SOX6: variants seen among roughly 807,000 people sequenced by gnomAD.
SOX6 encodes transcription factor SOX-6.
A neutral mutation model predicts 97.8 loss-of-function variants in SOX6; 11 were observed. The ratio of observed to expected loss-of-function variants is 0.11; its 90% confidence interval spans 0.07 to 0.19. The LOEUF (loss-of-function observed/expected upper bound fraction) is 0.19, where lower values mean the gene tolerates loss of function less well. Ranked by LOEUF, SOX6 falls within the 10% of genes least tolerant of loss-of-function variation. The probability of loss-of-function intolerance (pLI) is 1.00; values close to 1 mark genes in which losing one functional copy is unlikely to be tolerated. For missense variants in SOX6, 810 were observed against 1,039.5 expected (o/e 0.78, Z 3.04); for synonymous variants, 360 against 371.4 (o/e 0.97, Z 0.35).
chr11:16,001,621 G>A (rs1854411062), intron 13 of SOX6, among the ~76,000 whole-genome samples: 1 of 152,130 alleles, frequency 6.6e-6, no homozygotes, highest in Non-Finnish European at 1.5e-5. Flanking sequence ...CTTTAAGGAT[G>A]CCACTTCCCT....
chr11:16,360,421 T>C (rs1287250292), upstream of SOX6, among the ~76,000 whole-genome samples: 1 of 152,196 alleles, frequency 6.6e-6, no homozygotes. Context: ...CACCATTGCA[T>C]TCCTATCACG....
At chr11:16,349,699 AGGAAGGAAGGAAGGAAGAAG>A (rs1205130093) in intron 1 of SOX6, among the ~76,000 whole-genome samples, 357 of 73,530 alleles carry the variant, frequency 4.9e-3, no homozygotes, top group Non-Finnish European at 7.5e-3. Flanking sequence ...GAAGGAAGGA[AGGAAGGAAGGAAGGAAGAAG>A]GAAGGAAGGA....
Position 16,132,417 on chromosome 11 carries a change from GAAAGAAAGAAAGAAAGAAAGAAAGAAA to G in SOX6, c.778-20521_778-20495del, listed in dbSNP as rs1564972466. 3.7e-3 allele frequency among the ~76,000 whole-genome samples: 353 copies of G among 95,948 alleles called. 25 individuals carry two copies. In the East Asian group the frequency reaches 0.056, roughly 15 times the overall value. 62.9% of individuals were successfully genotyped at this position (95,948 alleles called of 152,430 possible). On this transcript the variant is annotated intron_variant, in intron 6 of 15. Transcript: ENST00000683767. ...AAGAAAGAAAAAAGAAAGAAAGAAA[GAAAGAAAGAAAGAAAGAAAGAAAGAAA>G]AAAGAAAGAAAGAAAGAAAGAAAGA...
At chr11:16,437,269 TA>T (rs1565145601) in intron 1 of SOX6, among the ~76,000 whole-genome samples, 2 of 130,236 alleles carry the variant, frequency 1.5e-5, no homozygotes, top group African/African-American at 6.2e-5. Flanking sequence ...ACCCTGTCTC[TA>T]TTTTTTTTTT....
At chr11:16,158,562 T>C (rs1421656914) in intron 6 of SOX6, among the ~76,000 whole-genome samples, 1 of 152,026 alleles carries the variant, frequency 6.6e-6, no homozygotes, top group Non-Finnish European at 1.5e-5. Context: ...TAAATGTGTA[T>C]GCACATGAAT....
intron 3 of SOX6, among the ~76,000 whole-genome samples, chr11:16,630,222 A>T (rs1280667956): frequency 7.2e-5 from 11 of 152,106 alleles, no homozygotes; most frequent in African/African-American, 2.7e-4. Flanking sequence ...GAGGTAGGCA[A>T]TTACCACTAT....
chr11:16,733,455 G>A (rs1848366503), intron 2 of SOX6, among the ~76,000 whole-genome samples: 3 of 151,830 alleles, frequency 2.0e-5, no homozygotes, highest in Admixed American at 2.0e-4. Flanking sequence ...GAAACCATGA[G>A]TCTCAGCAAA....
intron 9 of SOX6, among the ~76,000 whole-genome samples, chr11:16,089,495 C>A (rs1272378948): frequency 6.6e-6 from 1 of 152,044 alleles, no homozygotes; most frequent in African/African-American, 2.4e-5. Context: ...GCCATTTAAG[C>A]TTGGGAAGAT....
chr11:16,716,794 G>T (rs1848222637), intron 2 of SOX6, among the ~76,000 whole-genome samples: 1 of 116,410 alleles, frequency 8.6e-6, no homozygotes, highest in Non-Finnish European at 2.0e-5. Flanking sequence ...ATTGTGTAAA[G>T]GAAGTTAGAT....
chr11:16,303,440 A>AGTATAT (rs1855327007), intron 3 of SOX6, among the ~76,000 whole-genome samples: 1 of 152,214 alleles, frequency 6.6e-6, no homozygotes, highest in South Asian at 2.1e-4. Context: ...CTATGGTTTT[A>AGTATAT]TCTGTGGATT....
chr11:15,989,620 T>C (rs576681419), intron 13 of SOX6, among the ~76,000 whole-genome samples: 54 of 152,288 alleles, frequency 3.5e-4, no homozygotes, highest in African/African-American at 1.3e-3. Flanking sequence ...TTCCCAAAAA[T>C]AGAATTGTTT....
chr11:16,729,535 A>AT (rs1443021310), intron 2 of SOX6, among the ~76,000 whole-genome samples: 2 of 152,180 alleles, frequency 1.3e-5, no homozygotes, highest in Middle Eastern at 3.2e-3. Context: ...ATGCTGAGAG[A>AT]TTTTGTCACC....
At chr11:16,582,641 C>T in intron 4 of SOX6, among the ~76,000 whole-genome samples, 1 of 151,716 alleles carries the variant, frequency 6.6e-6, no homozygotes, top group Non-Finnish European at 1.5e-5. Context: ...TAAGAAAGAG[C>T]ATATAACCAC....
At chr11:16,410,916 G>A (rs1858796656) in intron 1 of SOX6, among the ~76,000 whole-genome samples, 1 of 150,980 alleles carries the variant, frequency 6.6e-6, no homozygotes, top group Admixed American at 6.6e-5. Context: ...ATAATAATAA[G>A]GGTGCATATG....
intron 4 of SOX6, among the ~76,000 whole-genome samples, chr11:16,496,634 T>C (rs1315025394): frequency 1.3e-5 from 2 of 152,172 alleles, no homozygotes; most frequent in African/African-American, 4.8e-5. Flanking sequence ...ACTGCACTTT[T>C]CCAATGGTCT....
intron 5 of SOX6, among the ~76,000 whole-genome samples, chr11:16,185,112 A>C (rs3903292): frequency 0.56 from 85,405 of 152,000 alleles, 24,554 homozygotes; most frequent in East Asian, 0.75. Context: ...AAGATGACAA[A>C]ATAGCAGTCT....
At chr11:16,243,503 T>G (rs931502657) in intron 3 of SOX6, among the ~76,000 whole-genome samples, 61 of 151,170 alleles carry the variant, frequency 4.0e-4, no homozygotes, top group Non-Finnish European at 1.0e-4. Context: ...ATAAAACTAG[T>G]TTTTTTAATT....
chr11:16,548,338 T>C (rs1409307389), intron 4 of SOX6, among the ~76,000 whole-genome samples: 3 of 152,072 alleles, frequency 2.0e-5, no homozygotes, highest in Non-Finnish European at 2.9e-5. Flanking sequence ...ATGAAGAGTG[T>C]TAGAAATGGT....
chr11:16,545,813 G>A (rs1171430657), intron 4 of SOX6, among the ~76,000 whole-genome samples: 1 of 152,090 alleles, frequency 6.6e-6, no homozygotes, highest in Non-Finnish European at 1.5e-5. Context: ...TTAGCCAAGT[G>A]TGATGGTGCA....
Sources: gnomAD v4.1 joint callset for allele counts (sites outside exome capture counted in the v4.1 genomes callset) on GRCh38, gnomAD v4.1.1 for gene constraint, MANE v1.5 for transcripts, NCBI Gene and HGNC (gene_info 2026-07-23, HGNC 2026-07-21) for gene names.